Variants in PRDM10 observed in about 807,000 individuals in gnomAD.
PRDM10 encodes the protein PR/SET domain 10.
PRDM10 carries 65 observed loss-of-function variants against 133.1 expected under a neutral mutation model. The ratio of observed to expected loss-of-function variants is 0.49; its 90% CI spans 0.40 to 0.60. PRDM10 has a LOEUF of 0.60. Among genes scored for constraint, PRDM10 ranks in the 20% least tolerant of loss-of-function variants. The pLI is 0.00. For synonymous variants in PRDM10, 582 were observed against 580.4 expected (o/e 1.00, Z -0.04); for missense variants, 1,137 against 1,507.1 (o/e 0.75, Z 4.07).
At position 129,985,166 on chromosome 11, in the gene PRDM10, T is replaced by C. The variant is rs532327178; in HGVS notation, c.-119+17556A>G. ...GTGCAGTCTTCTGCTTAGGAGCTAA[T>C]TTGTTACTTCCCAAAACCCTCTTAG... On this transcript the variant is annotated intron_variant, in intron 1 of 20. Transcript: ENST00000360871. Among the ~76,000 whole-genome samples, 8 of 152,220 alleles carry C rather than the reference T, an allele frequency of 5.3e-5. No individual in the cohort carries two copies. In the South Asian group the frequency reaches 1.7e-3, roughly 32 times the overall value.
intron 13 of PRDM10, among the ~76,000 whole-genome samples, chr11:129,921,848 T>A (rs1950532104): frequency 6.6e-6 from 1 of 152,236 alleles, no homozygotes; most frequent in African/African-American, 2.4e-5. Context: ...AGCCACCAGC[T>A]GTCTTCCTGA....
In PRDM10 at chr11:129,918,815, C is replaced by T. The variant is rs546957013; in HGVS notation, c.2035-97G>A. On this transcript the variant is annotated intron_variant, in intron 13 of 20. Transcript: ENST00000360871. This position sits in a 1 kb window ranked among gnomAD's most constrained non-coding sequence, Gnocchi z 5.3. ...AAAAATCAATACAAATTAGCAGTCA[C>T]CACAAGCCTCCAAGAGACATTTGAG... The T allele has an allele frequency of 6.8e-5, 83 of 1,220,844 alleles. No individual in the cohort carries two copies. Among genetic ancestry groups the T allele is most frequent in the Non-Finnish European group, 8.7e-5 (75 of 864,436 alleles). 75.6% of individuals were successfully genotyped at this position (1,220,844 alleles called of 1,614,324 possible). A position where few individuals can be genotyped will look rare whatever the true frequency, so the allele number is the denominator to read the frequency against.
chr11:129,924,968 A>C lies in PRDM10; in HGVS notation c.1792T>G (p.Leu598Val). Residue 598 changes from leucine to valine, a missense_variant, in exon 12 of 21, where the codon TTG becomes GTG. Transcript: ENST00000360871. ...TGAATGGCCACATGATCTTTCAACA[A>C]ATCAAGGCGGTCAAAGGATTCTGGG... ...FCPESFDRLDLLKDHVAIHIN... is the reference protein window; with the variant it reads ...FCPESFDRLDVLKDHVAIHIN... 6.2e-7 allele frequency: 1 copy of C among 1,614,236 alleles called. No homozygotes were observed. The highest frequency in any genetic ancestry group is 8.5e-7 in the Non-Finnish European group (1 of 1,180,042).
rs1374497066 is a variant in PRDM10 at position 129,923,235 on chromosome 11, C to T, written c.2034+13G>A. On this transcript the variant is annotated intron_variant, in intron 13 of 20. Transcript: ENST00000360871. The surrounding 1 kb of genome is among the most constrained non-coding windows in gnomAD (Gnocchi z 4.4). The stretch of plus-strand genomic sequence containing the variant: ...CCACGAGAACCACCTTGGGCTGTGC[C>T]TTGGTGTCATACCTTAAATTGCTTC... The T allele has an allele frequency of 6.4e-7, 1 of 1,567,348 alleles. No individual in the cohort carries two copies.
Position 129,961,056 on chromosome 11 carries a change from G to T in PRDM10, c.-92C>A. 8.8e-7 allele frequency: 1 copy of T among 1,142,628 alleles called. No homozygotes were observed. Among genetic ancestry groups the T allele is most frequent in the South Asian group, 1.4e-5 (1 of 73,776 alleles). 70.8% of individuals were successfully genotyped at this position (1,142,628 alleles called of 1,614,324 possible). A position where few individuals can be genotyped will look rare whatever the true frequency, so the allele number is the denominator to read the frequency against. ...TGTCTACCACACGTGTGTTCATGAA[G>T]GACGGAAAGGTCTGTCTGCAGCATG... On this transcript the variant is annotated 5_prime_UTR_variant, in exon 2 of 21. Transcript: ENST00000360871.
chr11:129,998,129 A>G (rs77470461), intron 1 of PRDM10, among the ~76,000 whole-genome samples: 6,183 of 152,300 alleles, frequency 0.041, 384 homozygotes, highest in African/African-American at 0.13. Context: ...TCTATTCAAC[A>G]TATTGTCATT....
Position 129,917,178 on chromosome 11 carries a change from A to T in PRDM10, c.2274T>A (p.Thr758=), listed in dbSNP as rs557379688. 1 of 1,613,904 alleles carries T rather than the reference A, an allele frequency of 6.2e-7. No homozygotes were observed. Among genetic ancestry groups the T allele is most frequent in the Admixed American group, 1.7e-5 (1 of 60,010 alleles). The change falls in exon 15 of 21, where the codon ACT becomes ACA. Residue 758 remains threonine, a synonymous_variant. Coordinates refer to ENST00000360871, the MANE Select transcript of PRDM10 (RefSeq NM_199437.2). ...DMKIEEVPEL[T]LPIIKPNRDY... is the part of the protein sequence containing the mutation. ...CACGATTGGGTTTTATGATGGGTAG[A>T]GTTAACTCTGGCACCTCTTCTATCT... is the stretch of plus-strand genomic sequence containing the variant.
chr11:129,983,808 G>C (rs942702510), intron 1 of PRDM10, among the ~76,000 whole-genome samples: 1 of 152,130 alleles, frequency 6.6e-6, no homozygotes, highest in African/African-American at 2.4e-5. Flanking sequence ...ACTCCTCAAG[G>C]TAGCCTAGAG....
chr11:129,915,763 G>A lies in PRDM10; in HGVS notation c.2423C>T (p.Pro808Leu). Reference protein sequence around the residue: ...PSIRKLRPAGPGEPDPMLSTH... With the variant: ...PSIRKLRPAGLGEPDPMLSTH... ...GCTCAGCATGGGGTCTGGCTCTCCA[G>A]GACCAGCGGGTCGGAGCTTCCGAAT... Residue 808 changes from proline (P) to leucine (L), a missense_variant, in exon 16 of 21, where the codon CCT (proline) becomes CTT (leucine). Physicochemically the swap from Pro to Leu is moderately conservative, Grantham distance 98. Coordinates refer to ENST00000360871, the MANE Select transcript of PRDM10 (RefSeq NM_199437.2). The A allele has an allele frequency of 6.2e-7, 1 of 1,614,208 alleles. No individual in the cohort carries two copies. The highest frequency in any genetic ancestry group is 8.5e-7 in the Non-Finnish European group (1 of 1,180,038).
intron 1 of PRDM10, among the ~76,000 whole-genome samples, chr11:129,976,519 C>T (rs1314314498): frequency 6.6e-6 from 1 of 152,172 alleles, no homozygotes; most frequent in Non-Finnish European, 1.5e-5. Flanking sequence ...TTGTTTAAAA[C>T]TTATGTTCAG....
chr11:129,949,946 A>G (rs1332569643), intron 4 of PRDM10, among the ~76,000 whole-genome samples: 1 of 37,368 alleles, frequency 2.7e-5, no homozygotes, highest in Non-Finnish European at 5.0e-5. Flanking sequence ...CCACCCCCCA[A>G]AAAAAGAGGC....
At chr11:129,914,612 A>C in intron 17 of PRDM10, 92 bp downstream of exon 17, 1 of 1,534,832 alleles carries the variant, frequency 6.5e-7, no homozygotes, top group Non-Finnish European at 9.0e-7. Flanking sequence ...ACGCAGAAGG[A>C]CATTACATAG....
chr11:129,938,297 G>A (rs187488982), intron 7 of PRDM10, among the ~76,000 whole-genome samples: 3 of 152,186 alleles, frequency 2.0e-5, no homozygotes, highest in East Asian at 3.9e-4. Context: ...GAGTGTGTTT[G>A]ACTGGATGTT....
At chr11:130,001,966 C>T (rs1450269915) in intron 1 of PRDM10, among the ~76,000 whole-genome samples, 2 of 151,710 alleles carry the variant, frequency 1.3e-5, no homozygotes, top group Non-Finnish European at 2.9e-5. Context: ...CGGCCCCCCG[C>T]CCCGGTCCCG....
chr11:129,985,944 G>C (rs184633883), intron 1 of PRDM10, among the ~76,000 whole-genome samples: 1 of 151,334 alleles, frequency 6.6e-6, no homozygotes, highest in African/African-American at 2.4e-5. Context: ...CATGAGCTGT[G>C]GCCCTCCCAT....
At chr11:129,955,638 A>G in intron 3 of PRDM10, 67 bp from the exon 4 acceptor site, 3 of 1,491,180 alleles carry the variant, frequency 2.0e-6, no homozygotes, top group East Asian at 4.5e-5. Flanking sequence ...CAGAAAAATT[A>G]TCCTACTGCT....
chr11:129,972,001 T>C (rs942642346), intron 1 of PRDM10, among the ~76,000 whole-genome samples: 6 of 152,104 alleles, frequency 3.9e-5, no homozygotes, highest in African/African-American at 1.2e-4. Context: ...TAAGGCCCGG[T>C]GAGAAATCGA....
chr11:129,955,842 G>A lies in PRDM10; in HGVS notation c.235-271C>T, dbSNP rs907542904. 2.0e-5 allele frequency among the ~76,000 whole-genome samples: 3 copies of A among 152,172 alleles called. No homozygotes were observed. The South Asian group carries it at 6.2e-4, about 32-fold the overall frequency. Reference sequence around the variant, plus strand: ...TACTCGTAAGCAAAGCCTTTCTTGGGACTGAATGTCACAGTTAATTAAAAA... The same window carrying A: ...TACTCGTAAGCAAAGCCTTTCTTGGAACTGAATGTCACAGTTAATTAAAAA... On this transcript the variant is annotated intron_variant, in intron 3 of 20. Coordinates refer to ENST00000360871, the MANE Select transcript of PRDM10 (RefSeq NM_199437.2).
At chr11:129,969,689 C>T (rs1951978577) in intron 1 of PRDM10, among the ~76,000 whole-genome samples, 1 of 151,444 alleles carries the variant, frequency 6.6e-6, no homozygotes, top group Non-Finnish European at 1.5e-5. Context: ...TGCCTGTAAT[C>T]CCAGCTACCC....
Sources: allele counts gnomAD v4.1 joint callset (sites outside exome capture counted in the v4.1 genomes callset), GRCh38; gene constraint gnomAD v4.1.1; non-coding constraint Gnocchi (gnomAD v3.1); transcripts MANE v1.5; gene names NCBI Gene and HGNC (gene_info 2026-07-23, HGNC 2026-07-21).